KCNJ6: variants seen among roughly 807,000 people sequenced by gnomAD.
The protein encoded by KCNJ6 is potassium inwardly rectifying channel subfamily J member 6.
A neutral mutation model predicts 34.2 loss-of-function variants in KCNJ6; 9 were observed. The ratio of observed to expected loss-of-function variants is 0.26; its 90% CI spans 0.16 to 0.46. The LOEUF (loss-of-function observed/expected upper bound fraction) is 0.46, where lower values mean the gene tolerates loss of function less well. Among genes scored for constraint, KCNJ6 ranks in the 20% least tolerant of loss-of-function variants. The pLI, the probability that KCNJ6 is intolerant of heterozygous loss-of-function variation, is 1.00. For missense variants in KCNJ6, 236 were observed against 531.3 expected (o/e 0.44, Z 5.46); for synonymous variants, 196 against 207.1 (o/e 0.95, Z 0.46).
rs974289394 is a variant in KCNJ6 at position 37,620,477 on chromosome 21, A to G, written c.*4682T>C. ...TTCTTCTTTTCTTTTTTTTCCCCCAATTATTAAAAAATGTAAAAATTGCTC... is the reference window on the plus strand; with the variant it reads ...TTCTTCTTTTCTTTTTTTTCCCCCAGTTATTAAAAAATGTAAAAATTGCTC... On this transcript the variant is annotated 3_prime_UTR_variant, in exon 4 of 4. Coordinates refer to ENST00000609713, the MANE Select transcript of KCNJ6 (RefSeq NM_002240.5). The G allele has an allele frequency of 1.3e-5, 2 of 151,946 alleles. No individual in the cohort carries two copies. Among genetic ancestry groups the G allele is most frequent in the Non-Finnish European group, 2.9e-5 (2 of 67,996 alleles). The allele number at this position is 151,946 out of a possible 1,614,324, so 9.4% of individuals were successfully genotyped here.
chr21:37,882,370 G>A (rs373368503), intron 1 of KCNJ6, among the ~76,000 whole-genome samples: 5 of 152,246 alleles, frequency 3.3e-5, no homozygotes, highest in African/African-American at 1.2e-4. Context: ...TTAAAGTTTA[G>A]TTTCATAAAC....
chr21:37,858,188 G>C (rs900947565), intron 1 of KCNJ6, among the ~76,000 whole-genome samples: 10 of 151,858 alleles, frequency 6.6e-5, no homozygotes, highest in African/African-American at 2.4e-4. Context: ...TCAGGAGATC[G>C]AGACCATCCT....
At chr21:37,694,399 G>T (rs1278632154) in intron 3 of KCNJ6, among the ~76,000 whole-genome samples, 1 of 152,194 alleles carries the variant, frequency 6.6e-6, no homozygotes, top group Non-Finnish European at 1.5e-5. Context: ...AAAGAGTACT[G>T]TTAGCATTTT....
chr21:37,914,033 GTGTGTGTGTGTGTGTGTC>G, intron 1 of KCNJ6, among the ~76,000 whole-genome samples: 1 of 151,422 alleles, frequency 6.6e-6, no homozygotes, highest in Admixed American at 6.6e-5. Context: ...GTGTGTGTGT[GTGTGTGTGTGTGTGTGTC>G]TGTGCGCGCG....
intron 2 of KCNJ6, among the ~76,000 whole-genome samples, chr21:37,759,049 C>T (rs532164172): frequency 3.9e-5 from 6 of 152,360 alleles, no homozygotes; most frequent in African/African-American, 1.4e-4. Context: ...GCTTTTAAGT[C>T]CTCCTCTTGA....
intron 1 of KCNJ6, among the ~76,000 whole-genome samples, chr21:37,904,684 A>C (rs1040260970): frequency 6.6e-6 from 1 of 152,210 alleles, no homozygotes; most frequent in East Asian, 1.9e-4. Flanking sequence ...CTATCAAAGC[A>C]TAAGTGAGTT....
chr21:37,778,355 C>G (rs1253948627), intron 2 of KCNJ6, among the ~76,000 whole-genome samples: 2 of 152,126 alleles, frequency 1.3e-5, no homozygotes, highest in African/African-American at 4.8e-5. Flanking sequence ...AACTAGCTCT[C>G]CAAACATAAC....
Position 37,675,865 on chromosome 21 carries a change from CG to C in KCNJ6, c.946+38345del, listed in dbSNP as rs2054562431. Among the ~76,000 whole-genome samples, 1 of 141,564 alleles carries C rather than the reference CG, an allele frequency of 7.1e-6. No homozygotes were observed. Among genetic ancestry groups the C allele is most frequent in the East Asian group, 2.5e-4 (1 of 4,024 alleles). The allele number at this position is 141,564 out of a possible 152,430, so 92.9% of individuals were successfully genotyped here. A position where few individuals can be genotyped will look rare whatever the true frequency, so the allele number is the denominator to read the frequency against. The stretch of plus-strand genomic sequence containing the variant: ...CCCTGACCCCAACCCATGTCAATAG[CG>C]GGGGTGGGGGTGGGGGTGGGGGTGG... On this transcript the variant is annotated intron_variant, in intron 3 of 3. Transcript: ENST00000609713. This position sits in a 1 kb window ranked among gnomAD's most constrained non-coding sequence, Gnocchi z 4.2.
intron 3 of KCNJ6, among the ~76,000 whole-genome samples, chr21:37,630,907 T>C (rs1178761670): frequency 6.6e-6 from 1 of 152,052 alleles, no homozygotes; most frequent in African/African-American, 2.4e-5. Flanking sequence ...TGAATGCCCT[T>C]CCCATAGTAA....
chr21:37,862,984 G>C (rs549737991), intron 1 of KCNJ6, among the ~76,000 whole-genome samples: 32 of 152,218 alleles, frequency 2.1e-4, no homozygotes, highest in African/African-American at 7.7e-4. Flanking sequence ...TGAATGGAGA[G>C]AGCCAACAGC....
rs1278255561 is a variant in KCNJ6 at position 37,614,091 on chromosome 21, A to T, written c.*11068T>A. On this transcript the variant is annotated 3_prime_UTR_variant, in exon 4 of 4. Transcript: ENST00000609713. ...AAAAAATAAAATTTATCAAGTTTTT[A>T]AAAAAGGGGTGGAGGAAGCTATTTC... 1 of 152,120 alleles carries T rather than the reference A, an allele frequency of 6.6e-6. No individual in the cohort carries two copies. The highest frequency in any genetic ancestry group is 2.4e-5 in the African/African-American group (1 of 41,410). The allele number at this position is 152,120 out of a possible 1,614,324, so 9.4% of individuals were successfully genotyped here. A position where few individuals can be genotyped will look rare whatever the true frequency, so the allele number is the denominator to read the frequency against.
chr21:37,869,163 G>T (rs917038386), intron 1 of KCNJ6, among the ~76,000 whole-genome samples: 3 of 152,196 alleles, frequency 2.0e-5, no homozygotes, highest in African/African-American at 7.2e-5. Context: ...ACACTCTGGG[G>T]ACATGGAGGG....
At chr21:37,889,764 C>T (rs2055753239) in intron 1 of KCNJ6, among the ~76,000 whole-genome samples, 1 of 152,152 alleles carries the variant, frequency 6.6e-6, no homozygotes, top group African/African-American at 2.4e-5. Context: ...TCTCTGCCAC[C>T]ATCTTCACAT....
At chr21:37,721,526 G>A (rs182348207) in intron 2 of KCNJ6, among the ~76,000 whole-genome samples, 27 of 152,310 alleles carry the variant, frequency 1.8e-4, no homozygotes, top group Non-Finnish European at 2.5e-4. Context: ...CAACTGTTGC[G>A]TCAAGAAATG....
intron 1 of KCNJ6, among the ~76,000 whole-genome samples, chr21:37,855,452 A>G (rs149533179): frequency 6.6e-6 from 1 of 152,330 alleles, no homozygotes; most frequent in East Asian, 1.9e-4. Flanking sequence ...GAACCTTTCT[A>G]TAGAATACTA....
At chr21:37,843,081 C>A (rs757596722) in intron 1 of KCNJ6, among the ~76,000 whole-genome samples, 1 of 152,154 alleles carries the variant, frequency 6.6e-6, no homozygotes, top group Non-Finnish European at 1.5e-5. Context: ...CAACGCCAAA[C>A]CATAGGCGTC....
intron 2 of KCNJ6, among the ~76,000 whole-genome samples, chr21:37,752,481 C>T (rs891062258): frequency 1.4e-4 from 21 of 152,106 alleles, no homozygotes; most frequent in South Asian, 4.2e-4. Flanking sequence ...CAGCAAAAGC[C>T]GAGAGGAATA....
chr21:37,791,289 G>A (rs1040979583), intron 2 of KCNJ6, among the ~76,000 whole-genome samples: 1 of 152,218 alleles, frequency 6.6e-6, no homozygotes, highest in African/African-American at 2.4e-5. Flanking sequence ...AAAAATGATA[G>A]TGTTACTCTT....
chr21:37,653,976 A>T (rs548412507), intron 3 of KCNJ6, among the ~76,000 whole-genome samples: 1 of 152,288 alleles, frequency 6.6e-6, no homozygotes, highest in East Asian at 1.9e-4. Context: ...TGGCTCAAGA[A>T]GGAGTGTGGG....
Sources: allele counts gnomAD v4.1 joint callset (sites outside exome capture counted in the v4.1 genomes callset), GRCh38; gene constraint gnomAD v4.1.1; non-coding constraint Gnocchi (gnomAD v3.1); transcripts MANE v1.5; gene names NCBI Gene and HGNC (gene_info 2026-07-23, HGNC 2026-07-21).